The following RBFOX1 variants were observed in gnomAD, a reference collection of about 807,000 sequenced individuals.
The protein encoded by RBFOX1 is RNA binding fox-1 homolog 1, also known as RNA binding protein fox-1 homolog 1.
Under a neutral mutation model 57.7 loss-of-function variants are expected in RBFOX1, and 8 were observed. That is an observed-to-expected ratio of 0.14 (90% confidence interval 0.08 to 0.25). RBFOX1 has a LOEUF of 0.25. Ranked by LOEUF, RBFOX1 falls within the 10% of genes least tolerant of loss-of-function variation. The probability of loss-of-function intolerance (pLI) is 1.00; values close to 1 mark genes in which losing one functional copy is unlikely to be tolerated. For synonymous variants in RBFOX1, 326 were observed against 222.4 expected, an observed-to-expected ratio of 1.47 and a Z score of -4.15; for missense variants, 611 against 548.5, an observed-to-expected ratio of 1.11 and a Z score of -1.14.
chr16:6,709,834 C>A (rs77670543), intron 3 of RBFOX1, among the ~76,000 whole-genome samples: 1 of 152,114 alleles, frequency 6.6e-6, no homozygotes, highest in Non-Finnish European at 1.5e-5. Flanking sequence ...GATCAGAACG[C>A]TGGCTGGTAC....
intron 3 of RBFOX1, among the ~76,000 whole-genome samples, chr16:6,782,248 G>A (rs967243721): frequency 1.3e-5 from 2 of 152,104 alleles, no homozygotes; most frequent in African/African-American, 2.4e-5. Flanking sequence ...CTCGTGGTCT[G>A]CCCACCTCGG....
At chr16:5,523,186 T>C (rs1376371542) in intron 2 of RBFOX1, among the ~76,000 whole-genome samples, 1 of 152,108 alleles carries the variant, frequency 6.6e-6, no homozygotes, top group Non-Finnish European at 1.5e-5. Flanking sequence ...CTCGGGAGGC[T>C]GAGGCAGGAG....
At chr16:6,043,120 GAAAAAA>G (rs570358262) in intron 1 of RBFOX1, among the ~76,000 whole-genome samples, 1 of 70,250 alleles carries the variant, frequency 1.4e-5, no homozygotes, top group African/African-American at 5.4e-5. Flanking sequence ...TGTGTTTCCA[GAAAAAA>G]AAAAAAAAAA....
chr16:6,361,506 T>C (rs1441528182), intron 2 of RBFOX1, among the ~76,000 whole-genome samples: 3 of 151,808 alleles, frequency 2.0e-5, no homozygotes, highest in Non-Finnish European at 2.9e-5. Flanking sequence ...CTAATGCCTG[T>C]AGTTGCAGCT....
At chr16:6,562,079 T>C (rs2097186411) in intron 2 of RBFOX1, among the ~76,000 whole-genome samples, 1 of 152,216 alleles carries the variant, frequency 6.6e-6, no homozygotes, top group Non-Finnish European at 1.5e-5. Flanking sequence ...ATTACTGATG[T>C]TCAGCTGCAT....
At chr16:6,561,342 T>G (rs2097176824) in intron 2 of RBFOX1, among the ~76,000 whole-genome samples, 1 of 152,212 alleles carries the variant, frequency 6.6e-6, no homozygotes, top group Non-Finnish European at 1.5e-5. Context: ...AATACATATT[T>G]ACCTGGTAGT....
At chr16:6,523,544 A>G (rs780490413) in intron 2 of RBFOX1, among the ~76,000 whole-genome samples, 13 of 152,162 alleles carry the variant, frequency 8.5e-5, no homozygotes, top group Non-Finnish European at 1.3e-4. Flanking sequence ...TGACTTTGGT[A>G]CGCTACTTAC....
intron 3 of RBFOX1, among the ~76,000 whole-genome samples, chr16:6,698,769 G>A (rs958132685): frequency 4.6e-5 from 7 of 152,034 alleles, no homozygotes; most frequent in African/African-American, 1.4e-4. Flanking sequence ...CCTCCCCCAC[G>A]GTTTGACTTT....
intron 3 of RBFOX1, among the ~76,000 whole-genome samples, chr16:5,814,022 G>C (rs2055530634): frequency 6.6e-6 from 1 of 152,214 alleles, no homozygotes; most frequent in African/African-American, 2.4e-5. Flanking sequence ...TAAGCAATTA[G>C]GATAGTAATG....
chr16:6,202,814 A>G (rs1384696994), intron 1 of RBFOX1, among the ~76,000 whole-genome samples: 1 of 151,812 alleles, frequency 6.6e-6, no homozygotes, highest in Non-Finnish European at 1.5e-5. Context: ...CTGAGACAGG[A>G]TCTCATTCTG....
chr16:6,652,591 G>C (rs993322721), intron 2 of RBFOX1, among the ~76,000 whole-genome samples: 1 of 152,118 alleles, frequency 6.6e-6, no homozygotes, highest in Non-Finnish European at 1.5e-5. Flanking sequence ...AGAGAGCCTT[G>C]ACCTTGAACT....
chr16:6,036,929 T>C (rs949182788), intron 1 of RBFOX1, among the ~76,000 whole-genome samples: 1 of 152,148 alleles, frequency 6.6e-6, no homozygotes, highest in Non-Finnish European at 1.5e-5. Context: ...ATGACCCTAG[T>C]AGGCAAGGAA....
intron 4 of RBFOX1, among the ~76,000 whole-genome samples, chr16:7,483,347 C>T (rs1419747302): frequency 6.6e-6 from 1 of 152,166 alleles, no homozygotes; most frequent in Non-Finnish European, 1.5e-5. Context: ...ATCAGACTTA[C>T]TGAACCTGTG....
intron 3 of RBFOX1, among the ~76,000 whole-genome samples, chr16:6,824,299 T>G (rs1325309363): frequency 6.6e-6 from 1 of 152,094 alleles, no homozygotes; most frequent in African/African-American, 2.4e-5. Context: ...CGGCTACTCA[T>G]GGAGGCTGCG....
intron 3 of RBFOX1, among the ~76,000 whole-genome samples, chr16:7,044,872 A>G (rs1407585089): frequency 6.6e-6 from 1 of 152,084 alleles, no homozygotes; most frequent in Non-Finnish European, 1.5e-5. Context: ...CCCCACCCGG[A>G]GCCTCTCCCA....
At chr16:6,018,645 G>A (rs138994843), upstream of RBFOX1, among the ~76,000 whole-genome samples, 1 of 152,258 alleles carries the variant, frequency 6.6e-6, no homozygotes, top group African/African-American at 2.4e-5. Flanking sequence ...GATAGGGCTC[G>A]ATCTCTGCCT....
chr16:7,164,987 T>G (rs1335315465), intron 4 of RBFOX1, among the ~76,000 whole-genome samples: 1 of 152,186 alleles, frequency 6.6e-6, no homozygotes, highest in African/African-American at 2.4e-5. Context: ...TCCCTGAATT[T>G]GGAGCCCTAT....
chr16:7,071,516 G>T (rs1419060056), intron 4 of RBFOX1, among the ~76,000 whole-genome samples: 1 of 151,538 alleles, frequency 6.6e-6, no homozygotes, highest in Non-Finnish European at 1.5e-5. Context: ...GAATAGATTT[G>T]AAAGCAACTA....
chr16:5,469,092 C>G (rs1440505212), intron 2 of RBFOX1, among the ~76,000 whole-genome samples: 2 of 152,220 alleles, frequency 1.3e-5, no homozygotes, highest in Non-Finnish European at 2.9e-5. Flanking sequence ...GAGGTGGGTA[C>G]TAGAGCGGGC....
Sources: gnomAD v4.1 joint callset for allele counts (sites outside exome capture counted in the v4.1 genomes callset) on GRCh38, gnomAD v4.1.1 for gene constraint, MANE v1.5 for transcripts, NCBI Gene and HGNC (gene_info 2026-07-23, HGNC 2026-07-21) for gene names.